The following METTL17 variants were observed in gnomAD, a reference collection of about 807,000 sequenced individuals.
METTL17 encodes the protein ribosome assembly protein METTL17, mitochondrial.
In METTL17, 49 loss-of-function variants were observed where a neutral mutation model predicts 59.4. The observed-to-expected ratio is 0.82, with a 90% CI of 0.66 to 1.05. METTL17 has a LOEUF of 1.05. METTL17 is among the 50% of genes least tolerant of loss of function. The pLI, the probability that METTL17 is intolerant of heterozygous loss-of-function variation, is 0.00. For synonymous variants in METTL17, 208 were observed against 209.2 expected, an observed-to-expected ratio of 0.99 and a Z score of 0.05; for missense variants, 555 against 578.4, an observed-to-expected ratio of 0.96 and a Z score of 0.41.
chr14:20,996,340 C>T, intron 12 of METTL17, 48 bp downstream of exon 12: 1 of 1,581,978 alleles, frequency 6.3e-7, no homozygotes, highest in African/African-American at 1.4e-5. Context: ...CCTGGAAAAA[C>T]AGGAAGAAAA....
chr14:20,995,308 C>A, intron 10 of METTL17, 75 bp downstream of exon 10: 1 of 1,336,134 alleles, frequency 7.5e-7, no homozygotes, highest in Non-Finnish European at 1.1e-6. Context: ...ACGAAAGAGA[C>A]TGTCATGTAT....
Position 20,996,989 on chromosome 14 carries a change from T to G in METTL17, c.*99T>G. 1.7e-6 allele frequency: 2 copies of G among 1,195,448 alleles called. No individual in the cohort carries two copies. The highest frequency in any genetic ancestry group is 2.2e-6 in the Non-Finnish European group (2 of 889,496). 74.1% of individuals were successfully genotyped at this position (1,195,448 alleles called of 1,614,324 possible). ...TGCTGGTATCCCCATATGTCTGTGT[T>G]TGTTTGAGATTTTTAATAATAAATA... On this transcript the variant is annotated 3_prime_UTR_variant, in exon 14 of 14. Coordinates refer to ENST00000339374, the MANE Select transcript of METTL17 (RefSeq NM_022734.3).
chr14:20,994,764 G>A, intron 8 of METTL17, 30 bp from the exon 9 acceptor site: 1 of 1,578,370 alleles, frequency 6.3e-7, no homozygotes. Flanking sequence ...GAGATGTTGA[G>A]TCTGTCATGT....
In METTL17 at chr14:20,996,196, T is replaced by A; in HGVS notation, c.997-13T>A. On this transcript the variant is annotated splice_polypyrimidine_tract_variant and intron_variant, in intron 11 of 13. Coordinates refer to ENST00000339374, the MANE Select transcript of METTL17 (RefSeq NM_022734.3). ...GCTCTTTTGTCTTACCTCATTTTTT[T>A]ATGTGTTCACAGTGTCCCCATGAAC... The A allele has an allele frequency of 1.2e-6, 2 of 1,611,416 alleles. No individual in the cohort carries two copies. The highest frequency in any genetic ancestry group is 1.7e-6 in the Non-Finnish European group (2 of 1,178,178).
intron 3 of METTL17, among the ~76,000 whole-genome samples, chr14:20,991,579 A>G (rs1234980207): frequency 2.6e-5 from 4 of 151,882 alleles, no homozygotes; most frequent in Admixed American, 6.6e-5. Flanking sequence ...TGCCCAGGCT[A>G]TAGTGCAGTG....
intron 6 of METTL17, chr14:20,993,476 C>CTTTTT (rs66578629): frequency 2.8e-6 from 1 of 360,418 alleles, no homozygotes; most frequent in Non-Finnish European, 5.0e-6. Context: ...TTGAGTCTAC[C>CTTTTT]TTTTTTTTTT....
Position 20,994,789 on chromosome 14 carries a change from C to T in METTL17, c.769-5C>T, listed in dbSNP as rs755007488. 5.0e-6 allele frequency: 8 copies of T among 1,611,624 alleles called. No homozygotes were observed. In the South Asian group the frequency reaches 8.8e-5, roughly 18 times the overall value. On this transcript the variant is annotated splice_polypyrimidine_tract_variant and splice_region_variant and intron_variant, in intron 8 of 13. Coordinates refer to ENST00000339374, the MANE Select transcript of METTL17 (RefSeq NM_022734.3). ...GTCTGTCATGTTCCTTGTCTTGGTC[C>T]TCAGGTGCAGTTTGATGTAGTAGTG...
chr14:20,995,974 C>T (rs1223853539), intron 11 of METTL17, 23 bp downstream of exon 11: 2 of 1,613,346 alleles, frequency 1.2e-6, no homozygotes, highest in South Asian at 1.1e-5. Context: ...TCTGCCTGTC[C>T]CACCACACGG....
Position 20,992,151 on chromosome 14 carries a change from G to C in METTL17, c.392G>C (p.Arg131Pro), listed in dbSNP as rs372378102. The change falls in exon 4 of 14, where the codon CGT becomes CCT. Residue 131 changes from arginine (R) to proline (P), a missense_variant. Transcript: ENST00000339374. ...TTATCTCAGACAGAGGAGAAACTTC[G>C]TGGAGCAGTGCTACACGCACTACGT... is the stretch of plus-strand genomic sequence containing the variant. ...PDLSQTEEKL[R>P]GAVLHALRKT... The C allele has an allele frequency of 1.2e-6, 2 of 1,613,116 alleles. No individual in the cohort carries two copies. The highest frequency in any genetic ancestry group is 1.7e-5 in the Admixed American group (1 of 59,804).
At position 20,994,544 on chromosome 14, in the gene METTL17, T is replaced by C. The variant is rs973461633; in HGVS notation, c.699T>C (p.Gly233=). 1.2e-6 allele frequency: 2 copies of C among 1,613,970 alleles called. No individual in the cohort carries two copies. Among genetic ancestry groups the C allele is most frequent in the Non-Finnish European group, 1.7e-6 (2 of 1,179,928 alleles). Residue 233 remains glycine (G), a splice_region_variant and synonymous_variant, in exon 8 of 14, where the codon GGT becomes GGC. Coordinates refer to ENST00000339374, the MANE Select transcript of METTL17 (RefSeq NM_022734.3). ...AGTTGCCTCTTCTTTTCTCCACAGGTGGTTCAGAATCTGGGGAGCCTTATA... is the reference window on the plus strand; with the variant it reads ...AGTTGCCTCTTCTTTTCTCCACAGGCGGTTCAGAATCTGGGGAGCCTTATA... ...MLVLAEKLLK[G]GSESGEPYIP...
chr14:20,995,318 T>C, intron 10 of METTL17, 85 bp downstream of exon 10: 1 of 1,185,148 alleles, frequency 8.4e-7, no homozygotes, highest in Non-Finnish European at 1.3e-6. Context: ...CTGTCATGTA[T>C]TGACAAGGGT....
In METTL17 at chr14:20,996,663, C is replaced by A. The variant is rs147228745; in HGVS notation, c.1217C>A (p.Pro406Gln). ...PRHVHCHLCC[P>Q]DGHMQHAVLT... ...CATGTGCATTGTCACTTGTGCTGTC[C>A]AGATGGGCACATGCAGCATGCTGTG... is the stretch of plus-strand genomic sequence containing the variant. The change falls in exon 13 of 14, where the codon CCA becomes CAA. Residue 406 changes from proline to glutamine, a missense_variant. Transcript: ENST00000339374. 2.3e-5 allele frequency: 37 copies of A among 1,614,246 alleles called. No homozygotes were observed. Among genetic ancestry groups the A allele is most frequent in the Middle Eastern group, 1.6e-4 (1 of 6,062 alleles).
intron 12 of METTL17, 53 bp downstream of exon 12, chr14:20,996,345 A>G (rs1566434870): frequency 6.3e-7 from 1 of 1,576,660 alleles, no homozygotes; most frequent in South Asian, 1.1e-5. Context: ...AAAAACAGGA[A>G]GAAAAAGAAT....
Position 20,994,778 on chromosome 14 carries a change from T to A in METTL17, c.769-16T>A. 12 of 1,604,984 alleles carry A rather than the reference T, an allele frequency of 7.5e-6. No homozygotes were observed. Among genetic ancestry groups the A allele is most frequent in the Non-Finnish European group, 1.0e-5 (12 of 1,171,692 alleles). On this transcript the variant is annotated splice_polypyrimidine_tract_variant and intron_variant, in intron 8 of 13. Transcript: ENST00000339374. Reference sequence around the variant, plus strand: ...AGAGATGTTGAGTCTGTCATGTTCCTTGTCTTGGTCCTCAGGTGCAGTTTG... The same window carrying A: ...AGAGATGTTGAGTCTGTCATGTTCCATGTCTTGGTCCTCAGGTGCAGTTTG...
intron 11 of METTL17, 45 bp from the exon 12 acceptor site, chr14:20,996,164 A>T: frequency 6.4e-7 from 1 of 1,566,534 alleles, no homozygotes; most frequent in Non-Finnish European, 8.8e-7. Context: ...AAGTTTTGTG[A>T]TTGATGGCTC....
intron 3 of METTL17, 31 bp downstream of exon 3, chr14:20,990,629 G>A (rs1163442680): frequency 6.2e-7 from 1 of 1,611,698 alleles, no homozygotes; most frequent in Non-Finnish European, 8.5e-7. Flanking sequence ...AAAAGTGGGC[G>A]AGATTGAAAT....
At chr14:20,994,094 G>A (rs779408258) in intron 7 of METTL17, 31 bp downstream of exon 7, 1 of 1,555,708 alleles carries the variant, frequency 6.4e-7, no homozygotes, top group Non-Finnish European at 8.9e-7. Flanking sequence ...AAAGTTGAGG[G>A]AGTTAAGAAA....
chr14:20,990,160 C>G, intron 1 of METTL17, 70 bp from the exon 2 acceptor site: 1 of 1,585,994 alleles, frequency 6.3e-7, no homozygotes, highest in South Asian at 1.1e-5. Context: ...CTCCTGGCAG[C>G]CCCCGCCCTA....
In METTL17 at chr14:20,990,739, G is replaced by T. The variant is rs141745318; in HGVS notation, c.364+141G>T. On this transcript the variant is annotated intron_variant, in intron 3 of 13. Transcript: ENST00000339374. ...CCAGAGCAGCAGTTGTTACAATGATGCCTTACTAAAAGAAGGTAGATTATT... is the reference window on the plus strand; with the variant it reads ...CCAGAGCAGCAGTTGTTACAATGATTCCTTACTAAAAGAAGGTAGATTATT... 8.5e-4 allele frequency: 876 copies of T among 1,033,420 alleles called. 18 individuals are homozygous for T. In the East Asian group the frequency reaches 0.02, roughly 24 times the overall value. The allele number at this position is 1,033,420 out of a possible 1,614,324, so 64.0% of individuals were successfully genotyped here.
Sources: allele counts gnomAD v4.1 joint callset (sites outside exome capture counted in the v4.1 genomes callset), GRCh38; gene constraint gnomAD v4.1.1; transcripts MANE v1.5; gene names NCBI Gene and HGNC (gene_info 2026-07-23, HGNC 2026-07-21).